The following SPMIP7 variants were observed in gnomAD, a reference collection of about 807,000 sequenced individuals.
SPMIP7 encodes the protein protein SPMIP7.
chr7:50,118,405 T>C, the SPMIP7 span, among the ~76,000 whole-genome samples: 2 of 152,224 alleles, frequency 1.3e-5, no homozygotes, highest in Non-Finnish European at 2.9e-5. Context: ...TAACCAATGT[T>C]TGGTTTGTCA....
At chr7:50,148,321 A>G in the SPMIP7 span, among the ~76,000 whole-genome samples, 6 of 152,370 alleles carry the variant, frequency 3.9e-5, no homozygotes, top group East Asian at 9.6e-4. Flanking sequence ...TAGCATTAAG[A>G]CAATGTAACA....
At chr7:50,147,991 G>A in the SPMIP7 span, among the ~76,000 whole-genome samples, 2 of 152,202 alleles carry the variant, frequency 1.3e-5, no homozygotes, top group African/African-American at 2.4e-5. Context: ...TTCCCGGCTT[G>A]TATGTTTCAG....
At chr7:50,157,272 T>G in the SPMIP7 span, among the ~76,000 whole-genome samples, 1 of 152,104 alleles carries the variant, frequency 6.6e-6, no homozygotes, top group Non-Finnish European at 1.5e-5. Context: ...TGGGATGGAA[T>G]GCAAACTGAG....
the SPMIP7 span, among the ~76,000 whole-genome samples, chr7:50,126,441 T>C: frequency 6.6e-6 from 1 of 151,946 alleles, no homozygotes; most frequent in Non-Finnish European, 1.5e-5. Context: ...GTTTTACTGA[T>C]AAATGTTATC....
the SPMIP7 span, among the ~76,000 whole-genome samples, chr7:50,114,043 C>G: frequency 6.6e-6 from 1 of 151,768 alleles, no homozygotes; most frequent in East Asian, 1.9e-4. Context: ...TAACAATAAA[C>G]TAAGAAGATA....
chr7:50,131,415 T>A, the SPMIP7 span, among the ~76,000 whole-genome samples: 1 of 152,176 alleles, frequency 6.6e-6, no homozygotes, highest in African/African-American at 2.4e-5. Flanking sequence ...CAAGTGGATA[T>A]GTCAAGCAGG....
chr7:50,155,168 C>G, the SPMIP7 span, among the ~76,000 whole-genome samples: 49 of 152,142 alleles, frequency 3.2e-4, no homozygotes, highest in African/African-American at 1.2e-3. Flanking sequence ...TTGTTTCCCT[C>G]GCTGCACAGA....
chr7:50,158,910 G>C, the SPMIP7 span: 1 of 816,298 alleles, frequency 1.2e-6, no homozygotes, highest in Non-Finnish European at 1.9e-6. Context: ...CCCAGCACGA[G>C]TCATCCTCGC....
chr7:50,109,359 T>TTTAA, the SPMIP7 span, among the ~76,000 whole-genome samples: 1 of 43,630 alleles, frequency 2.3e-5, no homozygotes, highest in African/African-American at 8.0e-5. Context: ...GTTAACACAG[T>TTTAA]TTAATTTATT....
the SPMIP7 span, among the ~76,000 whole-genome samples, chr7:50,152,047 A>G: frequency 1.9e-3 from 289 of 152,270 alleles, 1 homozygote; most frequent in African/African-American, 6.7e-3. Context: ...ACATTTTGCA[A>G]ATTGAAAGCA....
At chr7:50,141,470 T>A in the SPMIP7 span, 4 of 868,192 alleles carry the variant, frequency 4.6e-6, no homozygotes, top group Non-Finnish European at 7.5e-6. Flanking sequence ...AATGAAGGAA[T>A]TTAAACGTGG....
At chr7:50,150,803 T>C in the SPMIP7 span, among the ~76,000 whole-genome samples, 8 of 152,342 alleles carry the variant, frequency 5.3e-5, no homozygotes, top group Admixed American at 3.3e-4. Flanking sequence ...TTCTTCACTC[T>C]TGTGTTTTCC....
the SPMIP7 span, among the ~76,000 whole-genome samples, chr7:50,125,223 TATACACATATATATACAC>T: frequency 6.9e-4 from 64 of 92,784 alleles, 2 homozygotes; most frequent in African/African-American, 2.5e-3. Context: ...TATACACATA[TATACACATATATATACAC>T]ATATATACAC....
the SPMIP7 span, among the ~76,000 whole-genome samples, chr7:50,121,088 T>A: frequency 6.6e-6 from 1 of 152,148 alleles, no homozygotes; most frequent in Non-Finnish European, 1.5e-5. Flanking sequence ...CATCAAAAGA[T>A]CTCATTACAG....
chr7:50,143,071 T>C, the SPMIP7 span, among the ~76,000 whole-genome samples: 1 of 152,214 alleles, frequency 6.6e-6, no homozygotes, highest in South Asian at 2.1e-4. Context: ...GGCTTTATGA[T>C]AGTATCTTTA....
the SPMIP7 span, among the ~76,000 whole-genome samples, chr7:50,144,215 T>C: frequency 2.6e-5 from 4 of 152,360 alleles, no homozygotes; most frequent in Non-Finnish European, 4.4e-5. Flanking sequence ...AATAACTTTT[T>C]TCCAAAAGTG....
At chr7:50,129,195 C>T in the SPMIP7 span, among the ~76,000 whole-genome samples, 1 of 151,426 alleles carries the variant, frequency 6.6e-6, no homozygotes, top group Non-Finnish European at 1.5e-5. Context: ...AACCAAGTAC[C>T]TAGGGGAGAA....
chr7:50,140,213 T>A, the SPMIP7 span: 5,012 of 1,397,340 alleles, frequency 3.6e-3, 20 homozygotes, highest in Non-Finnish European at 4.4e-3. Flanking sequence ...TGTAAAAAAA[T>A]TTTAGATTTA....
At chr7:50,151,565 T>G in the SPMIP7 span, 1 of 1,519,804 alleles carries the variant, frequency 6.6e-7, no homozygotes, top group Non-Finnish European at 8.9e-7. Flanking sequence ...CCGGTAAGTA[T>G]GAATCCTATT....
Sources: gnomAD v4.1 joint callset for allele counts (sites outside exome capture counted in the v4.1 genomes callset) on GRCh38, gnomAD v4.1.1 for gene constraint, MANE v1.5 for transcripts, NCBI Gene and HGNC (gene_info 2026-07-23, HGNC 2026-07-21) for gene names.